ADAMTSL1: variants seen among roughly 807,000 people sequenced by gnomAD.
ADAMTSL1 encodes the protein ADAMTS like 1, also known as ADAMTS-like protein 1.
A neutral mutation model predicts 201.8 loss-of-function variants in ADAMTSL1; 126 were observed. The ratio of observed to expected loss-of-function variants is 0.62; its 90% CI spans 0.54 to 0.72. The LOEUF (loss-of-function observed/expected upper bound fraction) is 0.72. Among genes scored for constraint, ADAMTSL1 ranks in the 30% least tolerant of loss-of-function variants. The probability of loss-of-function intolerance (pLI) is 0.00; values close to 1 mark genes in which losing one functional copy is unlikely to be tolerated. For missense variants in ADAMTSL1, 2,679 were observed against 2,277.8 expected (o/e 1.18, Z -3.59); for synonymous variants, 1,121 against 903.4 (o/e 1.24, Z -4.32).
At position 18,887,856 on chromosome 9, in the gene ADAMTSL1, C is replaced by A. The variant is rs191283784; in HGVS notation, c.4275C>A (p.Val1425=). 6.2e-7 allele frequency: 1 copy of A among 1,613,796 alleles called. No homozygotes were observed. The highest frequency in any genetic ancestry group is 1.1e-5 in the South Asian group (1 of 91,036). Residue 1425 remains valine (V), a synonymous_variant, in exon 24 of 29, where the codon GTC becomes GTA. Transcript: ENST00000380548. Reference sequence around the variant, plus strand: ...GCTGCCCCATCAAAGGTCACCCTGTCCCTAATATCACCTGGTTTCATGGTG... The same window carrying A: ...GCTGCCCCATCAAAGGTCACCCTGTACCTAATATCACCTGGTTTCATGGTG... The part of the protein sequence containing the change: ...LLGCPIKGHP[V]PNITWFHGGQ...
intron 1 of ADAMTSL1, among the ~76,000 whole-genome samples, chr9:18,035,669 G>T (rs924811731): frequency 6.6e-6 from 1 of 151,928 alleles, no homozygotes; most frequent in Non-Finnish European, 1.5e-5. Flanking sequence ...CTCCCATAGT[G>T]CTCCCCACCT....
At chr9:18,145,554 T>C (rs958688588) in intron 1 of ADAMTSL1, among the ~76,000 whole-genome samples, 1 of 152,174 alleles carries the variant, frequency 6.6e-6, no homozygotes, top group Non-Finnish European at 1.5e-5. Context: ...ATTCGAAACA[T>C]GCAACAAAAT....
chr9:18,388,250 T>C lies in ADAMTSL1; in HGVS notation c.208-116579T>C, dbSNP rs372217158. ...ACTTCTTATTAATGATTTATTTATATCTATTTATACTTAATTTTTTTGTTT... is the reference window on the plus strand; with the variant it reads ...ACTTCTTATTAATGATTTATTTATACCTATTTATACTTAATTTTTTTGTTT... On this transcript the variant is annotated intron_variant, in intron 2 of 29. Transcript: ENST00000680146. 5.9e-5 allele frequency among the ~76,000 whole-genome samples: 9 copies of C among 152,018 alleles called. No homozygotes were observed. The East Asian group carries it at 1.7e-3, about 29-fold the overall frequency.
chr9:18,647,075 T>C (rs1395742168), intron 7 of ADAMTSL1, among the ~76,000 whole-genome samples: 13 of 152,168 alleles, frequency 8.5e-5, no homozygotes, highest in Non-Finnish European at 1.3e-4. Flanking sequence ...GATCCTGTTA[T>C]TGGTCTACTC....
At chr9:18,157,751 T>C (rs1827217663) in intron 1 of ADAMTSL1, among the ~76,000 whole-genome samples, 1 of 152,034 alleles carries the variant, frequency 6.6e-6, no homozygotes, top group Non-Finnish European at 1.5e-5. Flanking sequence ...TGTCAATGGG[T>C]TAAATATGGT....
At chr9:18,184,608 G>A (rs1466290132) in intron 2 of ADAMTSL1, among the ~76,000 whole-genome samples, 1 of 152,216 alleles carries the variant, frequency 6.6e-6, no homozygotes, top group African/African-American at 2.4e-5. Flanking sequence ...ACTGCCATGA[G>A]TAGGCATTCT....
At chr9:18,497,181 G>T (rs182520464) in intron 1 of ADAMTSL1, among the ~76,000 whole-genome samples, 1 of 152,154 alleles carries the variant, frequency 6.6e-6, no homozygotes, top group Non-Finnish European at 1.5e-5. Flanking sequence ...AATGGCTAAC[G>T]TTTCACACCT....
At chr9:18,463,309 C>T (rs1422681460) in intron 2 of ADAMTSL1, among the ~76,000 whole-genome samples, 2 of 151,788 alleles carry the variant, frequency 1.3e-5, no homozygotes, top group Non-Finnish European at 2.9e-5. Context: ...ATTGAGATTG[C>T]TTTTACATAA....
At chr9:18,904,422 T>C (rs889318878) in intron 26 of ADAMTSL1, among the ~76,000 whole-genome samples, 9 of 151,854 alleles carry the variant, frequency 5.9e-5, no homozygotes, top group Non-Finnish European at 1.2e-4. Context: ...TAAGCCGAGA[T>C]TGCACCACTG....
At chr9:18,331,177 T>C (rs893198484) in intron 2 of ADAMTSL1, among the ~76,000 whole-genome samples, 1 of 152,090 alleles carries the variant, frequency 6.6e-6, no homozygotes, top group Non-Finnish European at 1.5e-5. Flanking sequence ...GGAATGTGGC[T>C]CAATAGAACA....
At chr9:17,991,300 T>C (rs529985082) in intron 1 of ADAMTSL1, among the ~76,000 whole-genome samples, 1 of 152,280 alleles carries the variant, frequency 6.6e-6, no homozygotes, top group East Asian at 1.9e-4. Flanking sequence ...CTTTGTCCTA[T>C]CTATGACCAT....
At chr9:18,824,028 GGAAGGAAC>G (rs1037947772) in intron 21 of ADAMTSL1, among the ~76,000 whole-genome samples, 13 of 150,864 alleles carry the variant, frequency 8.6e-5, no homozygotes, top group Admixed American at 7.3e-4. Flanking sequence ...AAAGAAGGAA[GGAAGGAAC>G]GAAGGAAGGA....
At chr9:18,295,179 G>C (rs1833428510) in intron 2 of ADAMTSL1, among the ~76,000 whole-genome samples, 1 of 152,112 alleles carries the variant, frequency 6.6e-6, no homozygotes, top group South Asian at 2.1e-4. Context: ...ACCCAAAAGT[G>C]ATGAGTTCAT....
chr9:17,936,885 A>T (rs1299646318), intron 1 of ADAMTSL1, among the ~76,000 whole-genome samples: 1 of 152,092 alleles, frequency 6.6e-6, no homozygotes, highest in Non-Finnish European at 1.5e-5. Flanking sequence ...TTATTTTTTG[A>T]TATTTTCCAT....
intron 2 of ADAMTSL1, among the ~76,000 whole-genome samples, chr9:18,451,812 C>A (rs1000653856): frequency 6.6e-6 from 1 of 152,186 alleles, no homozygotes; most frequent in Non-Finnish European, 1.5e-5. Context: ...GCTGGGAAGT[C>A]CAAGACTGAA....
Position 18,149,664 on chromosome 9 carries a change from A to G in ADAMTSL1, c.88-14198A>G, listed in dbSNP as rs116912184. ...CTGAGAAACACTGCATGTAGAAGTG[A>G]AGAGTTGACACATGTCACGCCAGAG... On this transcript the variant is annotated intron_variant, in intron 1 of 29. Transcript: ENST00000680146. 3.6e-3 allele frequency among the ~76,000 whole-genome samples: 548 copies of G among 152,194 alleles called. 1 individual carries two copies. The highest frequency in any genetic ancestry group is 5.5e-3 in the Non-Finnish European group (376 of 67,982).
intron 19 of ADAMTSL1, among the ~76,000 whole-genome samples, chr9:18,789,770 T>G (rs1283059977): frequency 6.6e-6 from 1 of 152,144 alleles, no homozygotes; most frequent in Non-Finnish European, 1.5e-5. Context: ...GGAGCCTGTC[T>G]TTAGCCCCAA....
chr9:18,111,227 T>C (rs2131881874), intron 1 of ADAMTSL1, among the ~76,000 whole-genome samples: 1 of 152,276 alleles, frequency 6.6e-6, no homozygotes, highest in South Asian at 2.1e-4. Context: ...ATGACAAGAG[T>C]TATTTTATAA....
intron 1 of ADAMTSL1, among the ~76,000 whole-genome samples, chr9:18,031,099 T>C (rs1437772216): frequency 6.6e-6 from 1 of 152,182 alleles, no homozygotes; most frequent in Non-Finnish European, 1.5e-5. Context: ...GATTTCATTT[T>C]TTTCTTGAAT....
Sources: allele counts gnomAD v4.1 joint callset (sites outside exome capture counted in the v4.1 genomes callset), GRCh38; gene constraint gnomAD v4.1.1; transcripts MANE v1.5; gene names NCBI Gene and HGNC (gene_info 2026-07-23, HGNC 2026-07-21).